The following FASTKD1 variants were observed in gnomAD, a reference collection of about 807,000 sequenced individuals.
FASTKD1 encodes the protein FAST kinase domain-containing protein 1, mitochondrial.
Under a neutral mutation model 90.9 loss-of-function variants are expected in FASTKD1, and 94 were observed. The ratio of observed to expected loss-of-function variants is 1.03; its 90% CI spans 0.88 to 1.23. The LOEUF is 1.23. Ranked by LOEUF, FASTKD1 falls within the 50% of genes most tolerant of loss-of-function variation. The probability of loss-of-function intolerance (pLI) is 0.00; values close to 1 mark genes in which losing one functional copy is unlikely to be tolerated. For missense variants in FASTKD1, 945 were observed against 993.5 expected (o/e 0.95, Z 0.66); for synonymous variants, 319 against 345.8 (o/e 0.92, Z 0.86).
Position 169,560,575 on chromosome 2 carries a change from G to C in FASTKD1, c.783C>G (p.Asp261Glu). The C allele has an allele frequency of 6.2e-7, 1 of 1,606,062 alleles. No homozygotes were observed. Among genetic ancestry groups the C allele is most frequent in the African/African-American group, 1.3e-5 (1 of 74,628 alleles). The change falls in exon 5 of 15, where the codon GAC becomes GAG. Residue 261 changes from aspartate (D) to glutamate (E), a missense_variant. Physicochemically the swap from Asp to Glu is conservative, Grantham distance 45. Transcript: ENST00000453153. Reference sequence around the variant, plus strand: ...TACTGATGGAATCCAAATCAAGGTGGTCCACATTACTTAAAAATACGTTAT... The same window carrying C: ...TACTGATGGAATCCAAATCAAGGTGCTCCACATTACTTAAAAATACGTTAT... ...RCNNVFLSNV[D>E]HLDLDSISKI... is the part of the protein sequence containing the mutation.
chr2:169,561,797 T>A (rs868328065), intron 4 of FASTKD1, among the ~76,000 whole-genome samples: 3 of 138,412 alleles, frequency 2.2e-5, no homozygotes, highest in South Asian at 2.1e-4. Context: ...TTATTGTAAA[T>A]TATTTATTAA....
chr2:169,569,136 C>A (rs771188418), intron 3 of FASTKD1, 48 bp downstream of exon 3: 5 of 1,491,860 alleles, frequency 3.4e-6, no homozygotes, highest in Non-Finnish European at 4.7e-6. Flanking sequence ...ACTCTGTTAA[C>A]CCTGAAAAGA....
chr2:169,555,079 G>T, intron 7 of FASTKD1, 45 bp downstream of exon 7: 1 of 1,560,204 alleles, frequency 6.4e-7, no homozygotes, highest in Non-Finnish European at 8.7e-7. Flanking sequence ...CAAATATTGT[G>T]GCTAGAAAAT....
In FASTKD1 at chr2:169,530,648, A is replaced by G. The variant is rs1446104514; in HGVS notation, c.2381T>C (p.Met794Thr). ...SKALCRNIPH[M>T]KGKSAMKKRH... is the part of the protein sequence containing the mutation. Reference sequence around the variant, plus strand: ...TTTTTTCATAGCAGATTTTCCTTTCATGTGAGGGATATTTCTACAAAGTGC... The same window carrying G: ...TTTTTTCATAGCAGATTTTCCTTTCGTGTGAGGGATATTTCTACAAAGTGC... The change falls in exon 14 of 15, where the codon ATG (methionine) becomes ACG (threonine). Residue 794 changes from methionine to threonine, a missense_variant. Physicochemically the swap from Met to Thr is moderately conservative, Grantham distance 81 (BLOSUM62 -1). Coordinates refer to ENST00000453153, the MANE Select transcript of FASTKD1 (RefSeq NM_024622.6). 1.2e-6 allele frequency: 2 copies of G among 1,610,562 alleles called. No individual in the cohort carries two copies. Among genetic ancestry groups the G allele is most frequent in the Non-Finnish European group, 1.7e-6 (2 of 1,179,010 alleles).
Position 169,530,712 on chromosome 2 carries a change from T to A in FASTKD1, c.2328-11A>T. The A allele has an allele frequency of 7.2e-7, 1 of 1,387,004 alleles. No homozygotes were observed. The highest frequency in any genetic ancestry group is 1.0e-6 in the Non-Finnish European group (1 of 996,706). The allele number at this position is 1,387,004 out of a possible 1,614,324, so 85.9% of individuals were successfully genotyped here. A position where few individuals can be genotyped will look rare whatever the true frequency, so the allele number is the denominator to read the frequency against. On this transcript the variant is annotated splice_polypyrimidine_tract_variant and intron_variant, in intron 13 of 14. Coordinates refer to ENST00000453153, the MANE Select transcript of FASTKD1 (RefSeq NM_024622.6). The stretch of plus-strand genomic sequence containing the variant: ...AATTCCAAAGCAATCCTACATAAAA[T>A]AAAAAAATATTTACTCCTAAAATCA...
At chr2:169,548,885 G>A (rs903280359) in intron 7 of FASTKD1, among the ~76,000 whole-genome samples, 1 of 151,826 alleles carries the variant, frequency 6.6e-6, no homozygotes, top group Non-Finnish European at 1.5e-5. Flanking sequence ...ACGAGGTCAG[G>A]AGATCGAGAC....
intron 3 of FASTKD1, among the ~76,000 whole-genome samples, chr2:169,565,660 A>G (rs1683942736): frequency 6.6e-6 from 1 of 152,206 alleles, no homozygotes; most frequent in Non-Finnish European, 1.5e-5. Context: ...AAGAGTACAG[A>G]TATCTCTTCA....
chr2:169,560,514 T>C lies in FASTKD1; in HGVS notation c.844A>G (p.Ser282Gly). The stretch of plus-strand genomic sequence containing the variant: ...TTAGCCATTATAATAAATTCAAAAC[T>C]ATTAAATTGTAGAAATTTGTATACA... ...LSVYKFLQFN[S>G]FEFIIMAKKK... is the part of the protein sequence containing the mutation. Residue 282 changes from serine to glycine, a missense_variant, in exon 5 of 15, where the codon AGT becomes GGT. Ser to Gly is a moderately conservative substitution (Grantham distance 56). Transcript: ENST00000453153. 2 of 1,604,486 alleles carry C rather than the reference T, an allele frequency of 1.2e-6. No individual in the cohort carries two copies. The highest frequency in any genetic ancestry group is 2.7e-5 in the African/African-American group (2 of 74,574).
chr2:169,535,585 T>C (rs967251928), intron 12 of FASTKD1, among the ~76,000 whole-genome samples: 6 of 152,140 alleles, frequency 3.9e-5, no homozygotes, highest in African/African-American at 1.4e-4. Context: ...ACTATGTGTA[T>C]GAGCATGAGC....
rs759099441 is a variant in FASTKD1 at position 169,544,733 on chromosome 2, T to C, written c.1804A>G (p.Asn602Asp). The C allele has an allele frequency of 6.3e-6, 10 of 1,584,638 alleles. No individual in the cohort carries two copies. The highest frequency in any genetic ancestry group is 7.8e-6 in the Non-Finnish European group (9 of 1,153,816). ...ACAATATACCTACCTAAGTAAGAAT[T>C]AAGATGTTGCACGCAAGTTCCCAAA... is the stretch of plus-strand genomic sequence containing the variant. The part of the protein sequence containing the change: ...EFLGTCVQHL[N>D]SYLGILDPFI... Residue 602 changes from asparagine to aspartate, a missense_variant, in exon 9 of 15, where the codon AAT becomes GAT. By Grantham distance (23) the Asn-to-Asp change is conservative. Transcript: ENST00000453153.
intron 6 of FASTKD1, among the ~76,000 whole-genome samples, chr2:169,556,667 A>G (rs1683330117): frequency 6.6e-6 from 1 of 152,032 alleles, no homozygotes; most frequent in Admixed American, 6.6e-5. Flanking sequence ...CTACTAAAAA[A>G]TACAAAAATT....
chr2:169,566,440 G>C (rs1190961698), intron 3 of FASTKD1, among the ~76,000 whole-genome samples: 3 of 149,740 alleles, frequency 2.0e-5, no homozygotes, highest in Admixed American at 6.6e-5. Flanking sequence ...TTCTATAATA[G>C]AAAGTTTTTT....
At chr2:169,549,920 A>C (rs929926160) in intron 7 of FASTKD1, among the ~76,000 whole-genome samples, 1 of 152,228 alleles carries the variant, frequency 6.6e-6, no homozygotes, top group Non-Finnish European at 1.5e-5. Flanking sequence ...ACGGCTTTGA[A>C]AACTTTAAAA....
intron 12 of FASTKD1, 109 bp downstream of exon 12, chr2:169,537,118 C>A (rs2105338530): frequency 1.1e-5 from 7 of 618,120 alleles, no homozygotes; most frequent in Non-Finnish European, 1.7e-5. Flanking sequence ...ATAATAATAA[C>A]AACTTGAAAA....
intron 4 of FASTKD1, among the ~76,000 whole-genome samples, chr2:169,562,624 C>G (rs1683756849): frequency 6.6e-6 from 1 of 151,936 alleles, no homozygotes; most frequent in South Asian, 2.1e-4. Context: ...CTTCTATGTT[C>G]TAGATACTTA....
chr2:169,541,591 GA>G (rs1489855875), intron 9 of FASTKD1, among the ~76,000 whole-genome samples: 2 of 152,112 alleles, frequency 1.3e-5, no homozygotes, highest in African/African-American at 4.8e-5. Context: ...CTGGCCCATA[GA>G]TCCCACAAAA....
chr2:169,554,443 C>A (rs1450270315), intron 7 of FASTKD1, among the ~76,000 whole-genome samples: 2 of 151,826 alleles, frequency 1.3e-5, no homozygotes, highest in Non-Finnish European at 2.9e-5. Flanking sequence ...GCAGGTGGAT[C>A]ACCTGAGGTC....
intron 3 of FASTKD1, among the ~76,000 whole-genome samples, chr2:169,564,597 A>G (rs1683866513): frequency 6.6e-6 from 1 of 152,136 alleles, no homozygotes; most frequent in African/African-American, 2.4e-5. Context: ...GTTCTAAGTT[A>G]CTTTAAAATG....
Position 169,562,104 on chromosome 2 carries a change from T to TTATTGTAAATTAATC in FASTKD1, c.572+1120_572+1121insGATTAATTTACAATA, listed in dbSNP as rs1559157707. 3.3e-4 allele frequency among the ~76,000 whole-genome samples: 41 copies of TTATTGTAAATTAATC among 124,532 alleles called. 14 individuals are homozygous for TTATTGTAAATTAATC. The highest frequency in any genetic ancestry group is 8.8e-4 in the Admixed American group (11 of 12,448). The allele number at this position is 124,532 out of a possible 152,430, so 81.7% of individuals were successfully genotyped here. A position where few individuals can be genotyped will look rare whatever the true frequency, so the allele number is the denominator to read the frequency against. Reference sequence around the variant, plus strand: ...ATTTATTAATTTATTGTAAAATAATTATTTATTAATTTATTGTAAATTAAT... The same window carrying TTATTGTAAATTAATC: ...ATTTATTAATTTATTGTAAAATAATTTATTGTAAATTAATCATTTATTAATTTATTGTAAATTAAT... On this transcript the variant is annotated intron_variant, in intron 4 of 14. Coordinates refer to ENST00000453153, the MANE Select transcript of FASTKD1 (RefSeq NM_024622.6).
Sources: allele counts gnomAD v4.1 joint callset (sites outside exome capture counted in the v4.1 genomes callset), GRCh38; gene constraint gnomAD v4.1.1; transcripts MANE v1.5; gene names NCBI Gene and HGNC (gene_info 2026-07-23, HGNC 2026-07-21).